Variants in CACNA2D1 observed in about 807,000 individuals in gnomAD.
CACNA2D1 encodes the protein calcium voltage-gated channel auxiliary subunit alpha2delta 1.
CACNA2D1 carries 53 observed loss-of-function variants against 171.5 expected under a neutral mutation model. The observed-to-expected ratio is 0.31, with a 90% CI of 0.25 to 0.39. The LOEUF (loss-of-function observed/expected upper bound fraction) is 0.39, where lower values mean the gene tolerates loss of function less well. Ranked by LOEUF, CACNA2D1 falls within the 10% of genes least tolerant of loss-of-function variation. CACNA2D1 has a pLI of 1.00. For synonymous variants in CACNA2D1, 442 were observed against 443.1 expected (o/e 1.00, Z 0.03); for missense variants, 903 against 1,299.8 (o/e 0.69, Z 4.69).
chr7:82,297,365 C>T (rs948864257), intron 3 of CACNA2D1, among the ~76,000 whole-genome samples: 3 of 152,106 alleles, frequency 2.0e-5, no homozygotes, highest in Non-Finnish European at 4.4e-5. Context: ...TACTAAGATA[C>T]CACACCTGTT....
intron 1 of CACNA2D1, among the ~76,000 whole-genome samples, chr7:82,392,570 T>A (rs1381751348): frequency 6.6e-6 from 1 of 151,860 alleles, no homozygotes; most frequent in Admixed American, 6.6e-5. Flanking sequence ...GCTGAGTGAG[T>A]GTAACACCTC....
intron 4 of CACNA2D1, among the ~76,000 whole-genome samples, chr7:82,157,496 T>C (rs1171032803): frequency 6.6e-6 from 1 of 152,056 alleles, no homozygotes; most frequent in Non-Finnish European, 1.5e-5. Flanking sequence ...AAATCCAGGT[T>C]ATTAAATTTA....
chr7:82,167,633 A>G (rs1795591367), intron 4 of CACNA2D1, among the ~76,000 whole-genome samples: 1 of 152,116 alleles, frequency 6.6e-6, no homozygotes, highest in East Asian at 1.9e-4. Flanking sequence ...AAGGTTAGAT[A>G]TGGGAAATAG....
chr7:82,247,808 A>AG (rs1442914705), intron 3 of CACNA2D1, among the ~76,000 whole-genome samples: 2 of 152,234 alleles, frequency 1.3e-5, no homozygotes, highest in Admixed American at 1.3e-4. Flanking sequence ...AAATTTGGAA[A>AG]GAAAAAAATA....
intron 3 of CACNA2D1, among the ~76,000 whole-genome samples, chr7:82,180,939 T>C (rs1797060830): frequency 6.6e-6 from 1 of 151,386 alleles, no homozygotes; most frequent in African/African-American, 2.4e-5. Flanking sequence ...GTGTTGCAGA[T>C]TGGCTAGTTT....
At chr7:82,373,313 T>C (rs1404918901) in intron 1 of CACNA2D1, among the ~76,000 whole-genome samples, 1 of 152,236 alleles carries the variant, frequency 6.6e-6, no homozygotes, top group East Asian at 1.9e-4. Flanking sequence ...AAATTCTTTA[T>C]TGTTTTTCTA....
chr7:82,063,518 C>T (rs1205500600), intron 9 of CACNA2D1, among the ~76,000 whole-genome samples: 1 of 151,674 alleles, frequency 6.6e-6, no homozygotes, highest in Non-Finnish European at 1.5e-5. Context: ...TTTAGCTGTC[C>T]CCAAATTACT....
chr7:82,101,895 T>A (rs1238568486), intron 6 of CACNA2D1, among the ~76,000 whole-genome samples: 1 of 152,176 alleles, frequency 6.6e-6, no homozygotes, highest in Non-Finnish European at 1.5e-5. Flanking sequence ...GTAGGAAAGG[T>A]TAACATCACA....
chr7:81,977,187 T>C (rs1250496045), intron 24 of CACNA2D1, among the ~76,000 whole-genome samples: 2 of 152,194 alleles, frequency 1.3e-5, no homozygotes, highest in East Asian at 1.9e-4. Flanking sequence ...GGCTGTGGGT[T>C]TGTCACAAAT....
At chr7:82,220,199 A>G (rs1801595281) in intron 3 of CACNA2D1, among the ~76,000 whole-genome samples, 1 of 152,232 alleles carries the variant, frequency 6.6e-6, no homozygotes, top group South Asian at 2.1e-4. Context: ...AATACAAAAA[A>G]TAATCTGAAA....
At chr7:82,014,567 G>GC in intron 12 of CACNA2D1, 88 bp from the exon 13 acceptor site, 1 of 766,882 alleles carries the variant, frequency 1.3e-6, no homozygotes, top group Non-Finnish European at 2.3e-6. Context: ...CTATTGAAAA[G>GC]AGTGCTTTCC....
In CACNA2D1 at chr7:82,290,134, C is replaced by T. The variant is rs566388529; in HGVS notation, c.294+45001G>A. On this transcript the variant is annotated intron_variant, in intron 3 of 38. Transcript: ENST00000356860. ...TGCCATTACTTTTAATAGCAAAAAC[C>T]ACAGTTATGTTTGCACCAACCTAAT... Among the ~76,000 whole-genome samples, 4 of 152,124 alleles carry T rather than the reference C, an allele frequency of 2.6e-5. No individual in the cohort carries two copies. In the East Asian group the frequency reaches 7.8e-4, roughly 29 times the overall value.
chr7:82,121,172 C>T, intron 5 of CACNA2D1, among the ~76,000 whole-genome samples: 1 of 152,114 alleles, frequency 6.6e-6, no homozygotes, highest in Non-Finnish European at 1.5e-5. Context: ...CTACCTCAGC[C>T]TCCAGAGCTG....
At chr7:82,166,503 C>T (rs140730865) in intron 4 of CACNA2D1, among the ~76,000 whole-genome samples, 1 of 152,078 alleles carries the variant, frequency 6.6e-6, no homozygotes, top group East Asian at 1.9e-4. Context: ...TTGCAAGCTT[C>T]CTTGGAAACA....
chr7:82,111,275 C>T (rs1788340922), intron 6 of CACNA2D1, among the ~76,000 whole-genome samples: 1 of 122,956 alleles, frequency 8.1e-6, no homozygotes, highest in Admixed American at 8.4e-5. Context: ...TATACACACA[C>T]ATATATATAT....
chr7:82,333,719 G>C, intron 3 of CACNA2D1, among the ~76,000 whole-genome samples: 2 of 151,702 alleles, frequency 1.3e-5, no homozygotes, highest in Middle Eastern at 6.8e-3. Flanking sequence ...TGGACAACTG[G>C]AGTTTACTAG....
Position 82,008,887 on chromosome 7 carries a change from G to A in CACNA2D1, c.1363-1131C>T, listed in dbSNP as rs141939243. On this transcript the variant is annotated intron_variant, in intron 15 of 38. Coordinates refer to ENST00000356860, the MANE Select transcript of CACNA2D1 (RefSeq NM_000722.4). ...AATGGGAATATGAATGAATTAGGGAGGAGAGACAATAATAGAGAAGCTTCC... is the reference window on the plus strand; with the variant it reads ...AATGGGAATATGAATGAATTAGGGAAGAGAGACAATAATAGAGAAGCTTCC... 2.0e-3 allele frequency among the ~76,000 whole-genome samples: 307 copies of A among 152,216 alleles called. 3 individuals carry two copies. Among genetic ancestry groups the A allele is most frequent in the African/African-American group, 7.0e-3 (290 of 41,548 alleles).
chr7:82,305,128 C>T (rs941749715), intron 3 of CACNA2D1, among the ~76,000 whole-genome samples: 4 of 152,096 alleles, frequency 2.6e-5, no homozygotes, highest in African/African-American at 9.7e-5. Context: ...TTTCAGATAA[C>T]TTCTCTCTAA....
At chr7:82,272,536 G>T (rs1808773557) in intron 3 of CACNA2D1, among the ~76,000 whole-genome samples, 1 of 152,272 alleles carries the variant, frequency 6.6e-6, no homozygotes, top group East Asian at 1.9e-4. Context: ...GTACTTTCTT[G>T]AATTGCTCAC....
Sources: gnomAD v4.1 joint callset for allele counts (sites outside exome capture counted in the v4.1 genomes callset) on GRCh38, gnomAD v4.1.1 for gene constraint, MANE v1.5 for transcripts, NCBI Gene and HGNC (gene_info 2026-07-23, HGNC 2026-07-21) for gene names.